ANKRD11: variants seen among roughly 807,000 people sequenced by gnomAD.
ANKRD11 encodes the protein ankyrin repeat domain 11, also known as ankyrin repeat domain-containing protein 11.
ANKRD11 carries 17 observed loss-of-function variants against 195.7 expected under a neutral mutation model. That is an observed-to-expected ratio of 0.09 (90% confidence interval 0.06 to 0.13). The LOEUF is 0.13. Among genes scored for constraint, ANKRD11 ranks in the 10% least tolerant of loss-of-function variants. The probability of loss-of-function intolerance (pLI) is 1.00; values close to 1 mark genes in which losing one functional copy is unlikely to be tolerated. For synonymous variants in ANKRD11, 1,953 were observed against 1,528.1 expected (o/e 1.28, Z -6.49); for missense variants, 3,735 against 3,566.1 (o/e 1.05, Z -1.21).
chr16:89,388,283 C>T (rs2041014306), intron 2 of ANKRD11, among the ~76,000 whole-genome samples: 1 of 133,480 alleles, frequency 7.5e-6, no homozygotes, highest in South Asian at 2.4e-4. Flanking sequence ...CTCTTCTCTC[C>T]ATGAGGCTGA....
chr16:89,401,307 G>C (rs1369325771), intron 2 of ANKRD11, among the ~76,000 whole-genome samples: 1 of 152,056 alleles, frequency 6.6e-6, no homozygotes, highest in Non-Finnish European at 1.5e-5. Context: ...TCGAACTCCT[G>C]ACCTCGTGAT....
intron 3 of ANKRD11, among the ~76,000 whole-genome samples, chr16:89,306,743 G>A (rs1297674622): frequency 2.3e-4 from 4 of 17,254 alleles, no homozygotes; most frequent in East Asian, 1.8e-3. Context: ...CTCCCACTCC[G>A]CAGACACGCG....
intron 1 of ANKRD11, among the ~76,000 whole-genome samples, chr16:89,431,587 C>T (rs765192429): frequency 3.9e-5 from 6 of 152,210 alleles, no homozygotes; most frequent in South Asian, 2.1e-4. Flanking sequence ...CCACCATTCC[C>T]GGTTTCTCTT....
chr16:89,385,160 GC>G (rs1383891344), intron 2 of ANKRD11, among the ~76,000 whole-genome samples: 2 of 151,462 alleles, frequency 1.3e-5, no homozygotes, highest in Non-Finnish European at 2.9e-5. Flanking sequence ...ACAGGCGTGA[GC>G]CACTGTACCC....
At chr16:89,441,852 G>A (rs1198732160) in intron 1 of ANKRD11, among the ~76,000 whole-genome samples, 1 of 143,524 alleles carries the variant, frequency 7.0e-6, no homozygotes, top group Non-Finnish European at 1.5e-5. Context: ...GTGTCCACAA[G>A]CAGGAATCTC....
At position 89,475,161 on chromosome 16, in the gene ANKRD11, G is replaced by A. The variant is rs146110890; in HGVS notation, c.-145+15084C>T. 3.9e-5 allele frequency among the ~76,000 whole-genome samples: 6 copies of A among 152,326 alleles called. No individual in the cohort carries two copies. The East Asian group carries it at 9.7e-4, about 25-fold the overall frequency. The stretch of plus-strand genomic sequence containing the variant: ...AGAAAGGCTGGGGAGCTCTTGGGTC[G>A]TCAGTGGGTTGGAGAGATGGACTAA... On this transcript the variant is annotated intron_variant, in intron 1 of 12. Transcript: ENST00000301030.
At chr16:89,326,036 C>T (rs891982845) in intron 2 of ANKRD11, among the ~76,000 whole-genome samples, 2 of 152,236 alleles carry the variant, frequency 1.3e-5, no homozygotes, top group African/African-American at 4.8e-5. Flanking sequence ...AGGAGACACA[C>T]AGCTCTGTGA....
intron 4 of ANKRD11, among the ~76,000 whole-genome samples, chr16:89,295,538 G>A (rs2035359237): frequency 6.6e-6 from 1 of 152,202 alleles, no homozygotes; most frequent in Non-Finnish European, 1.5e-5. Flanking sequence ...TGAGCCCCAT[G>A]CCCCTTCCTG....
Position 89,281,982 on chromosome 16 carries a change from G to C in ANKRD11, c.4560C>G (p.Asp1520Glu). The change falls in exon 9 of 13, where the codon GAC (aspartate) becomes GAG (glutamate). Residue 1520 changes from aspartate to glutamate, a missense_variant. Physicochemically the swap from Asp to Glu is conservative, Grantham distance 45. Transcript: ENST00000301030. The surrounding 1 kb of genome is among the most constrained non-coding windows in gnomAD (Gnocchi z 5.5). ...PPRVLKDKSR[D>E]EGPRLGDAKL... ...TGGCATCGCCGAGCCTCGGGCCCTCGTCCCTGGACTTGTCTTTGAGCACGC... is the reference window on the plus strand; with the variant it reads ...TGGCATCGCCGAGCCTCGGGCCCTCCTCCCTGGACTTGTCTTTGAGCACGC... 6.2e-7 allele frequency: 1 copy of C among 1,612,824 alleles called. No individual in the cohort carries two copies. Among genetic ancestry groups the C allele is most frequent in the Non-Finnish European group, 8.5e-7 (1 of 1,180,014 alleles).
chr16:89,409,299 C>A (rs538001371), intron 2 of ANKRD11, among the ~76,000 whole-genome samples: 1 of 152,306 alleles, frequency 6.6e-6, no homozygotes, highest in South Asian at 2.1e-4. Context: ...AAAGCTCAAA[C>A]CCCCACAGGT....
At chr16:89,403,053 G>A (rs901552125) in intron 2 of ANKRD11, among the ~76,000 whole-genome samples, 1 of 152,144 alleles carries the variant, frequency 6.6e-6, no homozygotes, top group African/African-American at 2.4e-5. Context: ...TCGCTCAACT[G>A]CGTGGTGGCG....
At chr16:89,450,139 G>T (rs1026939556) in intron 1 of ANKRD11, among the ~76,000 whole-genome samples, 4 of 152,196 alleles carry the variant, frequency 2.6e-5, no homozygotes, top group Non-Finnish European at 5.9e-5. Context: ...CCTGAGTGAT[G>T]AGAGTACATG....
Position 89,282,580 on chromosome 16 carries a change from A to T in ANKRD11, c.3962T>A (p.Leu1321Gln). ...AGGTGGCTCCGTGAAAGAGACCTCC[A>T]GGAAGGCAGTCAGCCCCGGCTCCTG... ...RGQEPGLTAF[L>Q]EVSFTEPPGD... is the part of the protein sequence containing the mutation. Residue 1321 changes from leucine to glutamine, a missense_variant, in exon 9 of 13, where the codon CTG (leucine) becomes CAG (glutamine). Physicochemically the swap from Leu to Gln is moderately radical, Grantham distance 113. Transcript: ENST00000301030. 1.2e-6 allele frequency: 2 copies of T among 1,614,150 alleles called. No homozygotes were observed. Among genetic ancestry groups the T allele is most frequent in the Non-Finnish European group, 1.7e-6 (2 of 1,180,016 alleles).
At chr16:89,461,873 C>G (rs1203422332) in intron 1 of ANKRD11, among the ~76,000 whole-genome samples, 1 of 152,156 alleles carries the variant, frequency 6.6e-6, no homozygotes, top group Non-Finnish European at 1.5e-5. Context: ...TCAGAATGTT[C>G]AGAAGACTCT....
In ANKRD11 at chr16:89,289,555, C is replaced by T. The variant is rs2034886708; in HGVS notation, c.602-885G>A. Among the ~76,000 whole-genome samples the T allele has an allele frequency of 1.3e-5, 2 of 152,186 alleles. 1 individual carries two copies. The highest frequency in any genetic ancestry group is 3.9e-4 in the East Asian group (2 of 5,190). On this transcript the variant is annotated intron_variant, in intron 6 of 12. Coordinates refer to ENST00000301030, the MANE Select transcript of ANKRD11 (RefSeq NM_013275.6). Reference sequence around the variant, plus strand: ...CGCTCAGTTCTCTCCGGGTCCCAGGCAAGCCCCAGGACCCAGCCCTGTGAA... The same window carrying T: ...CGCTCAGTTCTCTCCGGGTCCCAGGTAAGCCCCAGGACCCAGCCCTGTGAA...
chr16:89,304,984 T>C (rs1178315203), intron 4 of ANKRD11: 1 of 654,122 alleles, frequency 1.5e-6, no homozygotes, highest in South Asian at 2.1e-5. Context: ...GACCCAAGAG[T>C]GAAGCTCTCC....
At chr16:89,319,141 G>A (rs2037145074) in intron 2 of ANKRD11, among the ~76,000 whole-genome samples, 1 of 152,236 alleles carries the variant, frequency 6.6e-6, no homozygotes, top group Non-Finnish European at 1.5e-5. Flanking sequence ...TCACCATGTA[G>A]AGTCCACCGT....
chr16:89,340,620 A>G (rs2038610831), intron 2 of ANKRD11, among the ~76,000 whole-genome samples: 1 of 152,270 alleles, frequency 6.6e-6, no homozygotes, highest in Admixed American at 6.5e-5. Flanking sequence ...ACAAGGGGAA[A>G]CAGTACTTTG....
chr16:89,273,104 G>A (rs1326580798), intron 11 of ANKRD11: 1 of 151,424 alleles, frequency 6.6e-6, no homozygotes, highest in Non-Finnish European at 1.5e-5. Context: ...AGCACAATAG[G>A]GTAACTGTAG....
Sources: gnomAD v4.1 joint callset for allele counts (sites outside exome capture counted in the v4.1 genomes callset) on GRCh38, gnomAD v4.1.1 for gene constraint, Gnocchi (gnomAD v3.1) non-coding constraint, MANE v1.5 for transcripts, NCBI Gene and HGNC (gene_info 2026-07-23, HGNC 2026-07-21) for gene names.